Variants in ZNF600 observed in about 807,000 individuals in gnomAD.
ZNF600 encodes the protein zinc finger protein 600, also known as zinc finger protein KR-ZNF1.
ZNF600 carries 4 observed loss-of-function variants against 7.3 expected under a neutral mutation model. The ratio of observed to expected loss-of-function variants is 0.55; its 90% CI spans 0.27 to 1.25. The LOEUF is 1.25. Ranked by LOEUF, ZNF600 falls within the 50% of genes most tolerant of loss-of-function variation. The pLI is 0.12. For missense variants in ZNF600, 911 were observed against 922.1 expected (o/e 0.99, Z 0.16); for synonymous variants, 290 against 308.9 (o/e 0.94, Z 0.64).
the ZNF600 span, among the ~76,000 whole-genome samples, chr19:52,793,599 C>T: frequency 6.6e-6 from 1 of 152,124 alleles, no homozygotes; most frequent in Non-Finnish European, 1.5e-5. Context: ...TTAAGGACTT[C>T]AAACATTTTT....
At position 52,774,760 on chromosome 19, in the gene ZNF600, G is replaced by A. The variant is rs185796658; in HGVS notation, c.64-59C>T. The A allele has an allele frequency of 1.3e-3, 1,322 of 985,294 alleles. 2 individuals are homozygous for A. Among genetic ancestry groups the A allele is most frequent in the East Asian group, 4.1e-3 (36 of 8,802 alleles). The allele number at this position is 985,294 out of a possible 1,614,324, so 61.0% of individuals were successfully genotyped here. A position where few individuals can be genotyped will look rare whatever the true frequency, so the allele number is the denominator to read the frequency against. ...TGGAGGATTGAGTTATCACCTTCAT[G>A]GGAAATGAGAAAAGAGAAAATAAGT... On this transcript the variant is annotated intron_variant, in intron 2 of 3. Coordinates refer to ENST00000648973, the Ensembl canonical transcript of ZNF600.
chr19:52,827,924 G>A, the ZNF600 span, among the ~76,000 whole-genome samples: 1,177 of 152,212 alleles, frequency 7.7e-3, 13 homozygotes, highest in Middle Eastern at 0.017. Flanking sequence ...CACGCAGGAC[G>A]CTTCAGACTC....
At chr19:52,778,570 C>T (rs1177788594) in intron 2 of ZNF600, among the ~76,000 whole-genome samples, 1 of 152,174 alleles carries the variant, frequency 6.6e-6, no homozygotes, top group African/African-American at 2.4e-5. Context: ...AATGGGCCCA[C>T]ACCCCATGTT....
At chr19:52,783,416 C>T (rs951713469) in intron 1 of ZNF600, among the ~76,000 whole-genome samples, 4 of 152,180 alleles carry the variant, frequency 2.6e-5, no homozygotes, top group Admixed American at 2.6e-4. Flanking sequence ...GGCTGGAGGG[C>T]AGTGGCGCGA....
the ZNF600 span, chr19:52,798,312 C>A: frequency 8.8e-3 from 2,594 of 295,330 alleles, 77 homozygotes; most frequent in African/African-American, 0.055. Flanking sequence ...GTCCTCTTAA[C>A]ATAAACAGTT....
the ZNF600 span, among the ~76,000 whole-genome samples, chr19:52,820,415 C>A: frequency 1.5e-5 from 1 of 66,450 alleles, no homozygotes; most frequent in Non-Finnish European, 3.0e-5. Context: ...CCGCGCCCGG[C>A]CCTTATTTAA....
upstream of ZNF600, among the ~76,000 whole-genome samples, chr19:52,787,629 C>T (rs1372581968): frequency 7.3e-5 from 11 of 151,250 alleles, no homozygotes; most frequent in African/African-American, 1.5e-4. Flanking sequence ...GAGGCTGAGG[C>T]GGGCAGATCA....
the ZNF600 span, among the ~76,000 whole-genome samples, chr19:52,796,219 G>A: frequency 1.3e-5 from 2 of 152,142 alleles, no homozygotes; most frequent in Non-Finnish European, 2.9e-5. Flanking sequence ...TGGGTCTGGG[G>A]ACAGGGGGAA....
chr19:52,810,646 A>G, the ZNF600 span: 1 of 1,267,338 alleles, frequency 7.9e-7, no homozygotes, highest in Non-Finnish European at 1.2e-6. Flanking sequence ...TTTTAACAGC[A>G]GGCTCTGGGG....
At chr19:52,770,932 C>T (rs759236378) in intron 3 of ZNF600, among the ~76,000 whole-genome samples, 2 of 152,150 alleles carry the variant, frequency 1.3e-5, no homozygotes, top group Non-Finnish European at 2.9e-5. Flanking sequence ...CTCCCAGGTT[C>T]AAGCGATTCT....
chr19:52,787,989 C>G (rs764371714), upstream of ZNF600, among the ~76,000 whole-genome samples: 6 of 152,066 alleles, frequency 3.9e-5, no homozygotes, highest in Admixed American at 6.6e-5. Flanking sequence ...TACATAGATT[C>G]TCTGATCTGA....
chr19:52,767,102 G>C lies in ZNF600; in HGVS notation c.861C>G (p.Tyr287Ter), dbSNP rs373457976. 1 of 1,613,846 alleles carries C rather than the reference G, an allele frequency of 6.2e-7. No homozygotes were observed. The highest frequency in any genetic ancestry group is 8.5e-7 in the Non-Finnish European group (1 of 1,179,764). ...AGGACTTTCCACACTCATTACACTT[G>C]TAAGGTTTCTCTCCAGTGTGACATC... The change falls in exon 4 of 4, where the codon TAC becomes TAG. Residue 287 changes from tyrosine (Y) to a stop codon, truncating the protein, a stop_gained. Coordinates refer to ENST00000648973, the Ensembl canonical transcript of ZNF600. LOFTEE classifies it low-confidence loss of function (END_TRUNC).
At chr19:52,819,777 G>A in the ZNF600 span, among the ~76,000 whole-genome samples, 1 of 143,748 alleles carries the variant, frequency 7.0e-6, no homozygotes, top group Non-Finnish European at 1.5e-5. Flanking sequence ...CTTTTGAAAG[G>A]TTCTGATGAA....
intron 1 of ZNF600, among the ~76,000 whole-genome samples, chr19:52,779,333 G>C (rs1803451303): frequency 6.6e-6 from 1 of 152,204 alleles, no homozygotes; most frequent in African/African-American, 2.4e-5. Context: ...CTGAGGGTGG[G>C]TTCCATCCCA....
the ZNF600 span, among the ~76,000 whole-genome samples, chr19:52,818,678 G>T: frequency 6.6e-6 from 1 of 151,124 alleles, no homozygotes; most frequent in South Asian, 2.1e-4. Context: ...CTCCACTCCT[G>T]CCTGGGTGAC....
the ZNF600 span, among the ~76,000 whole-genome samples, chr19:52,832,935 C>A: frequency 6.6e-6 from 1 of 151,986 alleles, no homozygotes; most frequent in East Asian, 1.9e-4. Flanking sequence ...CGACTTCCAG[C>A]TAATTTTTGT....
rs531825747 is a variant in ZNF600 at position 52,778,514 on chromosome 19, A to G, written c.63+312T>C. 8.5e-5 allele frequency among the ~76,000 whole-genome samples: 13 copies of G among 152,298 alleles called. 1 individual carries two copies. The highest frequency in any genetic ancestry group is 2.9e-4 in the African/African-American group (12 of 41,576). ...TCTGGTCCACAAAGAGCTGACATCCAGATGTGGCCCCTGAACAATCCAGCC... is the reference window on the plus strand; with the variant it reads ...TCTGGTCCACAAAGAGCTGACATCCGGATGTGGCCCCTGAACAATCCAGCC... On this transcript the variant is annotated intron_variant, in intron 2 of 3. Coordinates refer to ENST00000648973, the Ensembl canonical transcript of ZNF600.
chr19:52,771,352 T>C (rs1479603786), intron 3 of ZNF600, among the ~76,000 whole-genome samples: 1 of 151,532 alleles, frequency 6.6e-6, no homozygotes, highest in East Asian at 1.9e-4. Context: ...CTATTTCTTT[T>C]TTTTTGTCTG....
chr19:52,806,949 C>CG, the ZNF600 span, among the ~76,000 whole-genome samples: 4 of 152,058 alleles, frequency 2.6e-5, no homozygotes, highest in African/African-American at 9.7e-5. Context: ...GAGAGATAAG[C>CG]GGGGGCAAAG....
Sources: gnomAD v4.1 joint callset for allele counts (sites outside exome capture counted in the v4.1 genomes callset) on GRCh38, gnomAD v4.1.1 for gene constraint, MANE v1.5 for transcripts, NCBI Gene and HGNC (gene_info 2026-07-23, HGNC 2026-07-21) for gene names.